Variants in NCF2 observed in about 807,000 individuals in gnomAD.
The protein encoded by NCF2 is neutrophil cytosol factor 2.
A neutral mutation model predicts 70.9 loss-of-function variants in NCF2; 45 were observed. The observed-to-expected ratio is 0.63, with a 90% CI of 0.50 to 0.81. NCF2 has a LOEUF of 0.81. NCF2 is among the 40% of genes least tolerant of loss of function. The pLI, the probability that NCF2 is intolerant of heterozygous loss-of-function variation, is 0.00. For synonymous variants in NCF2, 203 were observed against 233.6 expected, an observed-to-expected ratio of 0.87 and a Z score of 1.19; for missense variants, 522 against 631.6, an observed-to-expected ratio of 0.83 and a Z score of 1.86.
chr1:183,583,123 GT>G (rs1673187755), intron 2 of NCF2, among the ~76,000 whole-genome samples: 1 of 151,968 alleles, frequency 6.6e-6, no homozygotes, highest in African/African-American at 2.4e-5. Flanking sequence ...TGTTATCTCG[GT>G]TCACTGCAAC....
intron 2 of NCF2, among the ~76,000 whole-genome samples, chr1:183,582,239 C>T (rs900585580): frequency 2.0e-5 from 3 of 152,256 alleles, no homozygotes; most frequent in Non-Finnish European, 4.4e-5. Flanking sequence ...CAGCGGTTCT[C>T]TTCGTGGCCA....
intron 2 of NCF2, among the ~76,000 whole-genome samples, chr1:183,585,392 G>A (rs1053388810): frequency 5.9e-5 from 9 of 152,062 alleles, no homozygotes; most frequent in Non-Finnish European, 1.2e-4. Flanking sequence ...TTGGGAGGCC[G>A]AGGCGGGTGG....
upstream of NCF2, among the ~76,000 whole-genome samples, chr1:183,593,202 C>T (rs944247619): frequency 1.3e-5 from 2 of 152,150 alleles, no homozygotes; most frequent in Admixed American, 6.5e-5. Context: ...CCCCAGGGCA[C>T]TAGCAAAGCC....
At position 183,573,143 on chromosome 1, in the gene NCF2, G is replaced by T. The variant is rs55790185; in HGVS notation, c.609+42C>A. 7.0e-6 allele frequency: 11 copies of T among 1,580,114 alleles called. No homozygotes were observed. The East Asian group carries it at 2.5e-4, about 35-fold the overall frequency. On this transcript the variant is annotated intron_variant, in intron 5 of 14. Coordinates refer to ENST00000367535, the MANE Select transcript of NCF2 (RefSeq NM_000433.4). ...CCTCCCACCTTGCTCCACATGGCCC[G>T]GGCCACAGGAGACTCAGGGGAAGCT...
chr1:183,592,321 A>G (rs1484550382), upstream of NCF2, among the ~76,000 whole-genome samples: 1 of 152,232 alleles, frequency 6.6e-6, no homozygotes, highest in Non-Finnish European at 1.5e-5. Flanking sequence ...TTTGCCTGGC[A>G]AACTCCTACT....
Position 183,573,252 on chromosome 1 carries a change from T to G in NCF2, c.542A>C (p.Lys181Thr), listed in dbSNP as rs2274064. The G allele has an allele frequency of 6.2e-7, 1 of 1,613,850 alleles. No homozygotes were observed. Among genetic ancestry groups the G allele is most frequent in the African/African-American group, 1.3e-5 (1 of 74,932 alleles). Residue 181 changes from lysine (K) to threonine (T), a missense_variant, in exon 5 of 15, where the codon AAG becomes ACG. Coordinates refer to ENST00000367535, the MANE Select transcript of NCF2 (RefSeq NM_000433.4). ...TTGTCTCTCATTTGGTCGAAACAGC[T>G]TGCCCACAGGGATCACCACTGGCTC... Reference protein sequence around the residue: ...LYEPVVIPVGKLFRPNERQVA... With the variant: ...LYEPVVIPVGTLFRPNERQVA...
chr1:183,599,456 T>TTCTTTCTTTCTTTC, the NCF2 span, among the ~76,000 whole-genome samples: 2 of 137,480 alleles, frequency 1.5e-5, no homozygotes, highest in African/African-American at 5.7e-5. Flanking sequence ...CTTTCTTTCT[T>TTCTTTCTTTCTTTC]TCTTTCTTTC....
chr1:183,592,075 C>G (rs986183333), upstream of NCF2, among the ~76,000 whole-genome samples: 1 of 152,200 alleles, frequency 6.6e-6, no homozygotes, highest in African/African-American at 2.4e-5. Context: ...ATCCAGGCTT[C>G]TTTTTAGGTA....
chr1:183,581,685 T>C (rs1274455051), intron 2 of NCF2, among the ~76,000 whole-genome samples: 9 of 151,676 alleles, frequency 5.9e-5, no homozygotes, highest in Admixed American at 3.9e-4. Flanking sequence ...TTTTTTTTTT[T>C]TGAGACAGAG....
chr1:183,577,272 A>T (rs542478605), intron 3 of NCF2, among the ~76,000 whole-genome samples: 15 of 152,340 alleles, frequency 9.8e-5, no homozygotes, highest in African/African-American at 3.6e-4. Flanking sequence ...CAATCAAAAC[A>T]TGCAAATTAT....
In NCF2 at chr1:183,579,071, C is replaced by A. The variant is rs1442952991; in HGVS notation, c.258-1364G>T. Among the ~76,000 whole-genome samples the A allele has an allele frequency of 2.6e-5, 4 of 152,324 alleles. No individual in the cohort carries two copies. The East Asian group carries it at 7.7e-4, about 29-fold the overall frequency. On this transcript the variant is annotated intron_variant, in intron 2 of 14. Coordinates refer to ENST00000367535, the MANE Select transcript of NCF2 (RefSeq NM_000433.4). The stretch of plus-strand genomic sequence containing the variant: ...CACCATCTGACCCAGAGCTACCAAC[C>A]CGGCTTCTCTTGGAGATAAGCCTGG...
chr1:183,570,934 G>T, intron 5 of NCF2, 95 bp from the exon 6 acceptor site: 1 of 1,245,350 alleles, frequency 8.0e-7, no homozygotes, highest in Non-Finnish European at 1.2e-6. Flanking sequence ...CTGTTCTTAC[G>T]TGAGCCTGGT....
At chr1:183,582,639 C>T (rs1673167550) in intron 2 of NCF2, among the ~76,000 whole-genome samples, 1 of 152,226 alleles carries the variant, frequency 6.6e-6, no homozygotes, top group Non-Finnish European at 1.5e-5. Context: ...CTTTGGGATG[C>T]TGCAGTGGCT....
intron 14 of NCF2, among the ~76,000 whole-genome samples, chr1:183,556,680 G>A (rs1339835457): frequency 6.6e-6 from 1 of 152,024 alleles, no homozygotes; most frequent in Non-Finnish European, 1.5e-5. Context: ...TACAGGCTGT[G>A]CCACCACGCT....
At chr1:183,587,173 A>G (rs1673394116) in intron 1 of NCF2, among the ~76,000 whole-genome samples, 196 bp from the exon 2 acceptor site, 1 of 152,190 alleles carries the variant, frequency 6.6e-6, no homozygotes. Context: ...AGTCTGGGAC[A>G]ATGGTGTGCA....
the NCF2 span, among the ~76,000 whole-genome samples, chr1:183,600,153 G>A: frequency 1.3e-5 from 2 of 152,180 alleles, no homozygotes; most frequent in African/African-American, 2.4e-5. Context: ...GTTTGATAAA[G>A]ACAAATGTAA....
intron 14 of NCF2, among the ~76,000 whole-genome samples, chr1:183,557,982 C>G (rs576429686): frequency 1.3e-5 from 2 of 151,960 alleles, no homozygotes; most frequent in Non-Finnish European, 2.9e-5. Context: ...TCAAGTGATT[C>G]TCCTGCCTCA....
At chr1:183,571,092 A>G (rs1672534051) in intron 5 of NCF2, among the ~76,000 whole-genome samples, 2 of 151,540 alleles carry the variant, frequency 1.3e-5, no homozygotes, top group Admixed American at 1.3e-4. Context: ...ATTGAGGTGC[A>G]ATTTGTATAA....
the NCF2 span, among the ~76,000 whole-genome samples, chr1:183,599,489 C>CTCT: frequency 9.0e-6 from 1 of 110,972 alleles, no homozygotes; most frequent in Non-Finnish European, 1.9e-5. Flanking sequence ...TTTCTCTTTT[C>CTCT]TTTCTTTCTC....
Sources: allele counts gnomAD v4.1 joint callset (sites outside exome capture counted in the v4.1 genomes callset), GRCh38; gene constraint gnomAD v4.1.1; transcripts MANE v1.5; gene names NCBI Gene and HGNC (gene_info 2026-07-23, HGNC 2026-07-21).